Variants in CTNNA2 observed in about 807,000 individuals in gnomAD.
CTNNA2 encodes the protein catenin alpha 2, also known as catenin alpha-2.
CTNNA2 carries 42 observed loss-of-function variants against 101.0 expected under a neutral mutation model. That is an observed-to-expected ratio of 0.42 (90% CI 0.32 to 0.54). The LOEUF is 0.54. Among genes scored for constraint, CTNNA2 ranks in the 20% least tolerant of loss-of-function variants. The pLI, the probability that CTNNA2 is intolerant of heterozygous loss-of-function variation, is 0.14. For missense variants in CTNNA2, 871 were observed against 1,223.1 expected (o/e 0.71, Z 4.29); for synonymous variants, 450 against 456.4 (o/e 0.99, Z 0.18).
At chr2:79,234,519 T>A (rs892668527) in intron 2 of CTNNA2, among the ~76,000 whole-genome samples, 4 of 152,050 alleles carry the variant, frequency 2.6e-5, no homozygotes, top group African/African-American at 9.7e-5. Context: ...GCCTTGGGGG[T>A]GGTCATTTTT....
chr2:80,366,969 G>A (rs1420569273), intron 7 of CTNNA2, among the ~76,000 whole-genome samples: 2 of 151,450 alleles, frequency 1.3e-5, no homozygotes, highest in Admixed American at 6.6e-5. Context: ...CAGGGAGGGG[G>A]CTTCCAGGTC....
At chr2:79,957,067 A>T (rs557724928) in intron 7 of CTNNA2, among the ~76,000 whole-genome samples, 4,018 of 152,162 alleles carry the variant, frequency 0.026, 88 homozygotes, top group Middle Eastern at 0.065. Flanking sequence ...CTTCAGTGAT[A>T]GAGAAGCCCC....
chr2:80,557,483 A>G (rs1426469372), intron 12 of CTNNA2, among the ~76,000 whole-genome samples: 1 of 152,140 alleles, frequency 6.6e-6, no homozygotes, highest in East Asian at 1.9e-4. Flanking sequence ...TTCATGTGAG[A>G]TATCTGACAG....
At chr2:79,648,730 C>T (rs1681004297) in intron 1 of CTNNA2, among the ~76,000 whole-genome samples, 1 of 152,048 alleles carries the variant, frequency 6.6e-6, no homozygotes, top group Admixed American at 6.6e-5. Flanking sequence ...ATTTTGCGGT[C>T]CCCACCACCA....
At chr2:79,332,310 A>G (rs1487348928) in intron 3 of CTNNA2, among the ~76,000 whole-genome samples, 4 of 152,266 alleles carry the variant, frequency 2.6e-5, no homozygotes, top group Middle Eastern at 3.4e-3. Context: ...AGAAAAAAAA[A>G]AAAAAGACGA....
intron 3 of CTNNA2, among the ~76,000 whole-genome samples, chr2:79,780,863 G>T (rs1674367242): frequency 6.6e-6 from 1 of 152,134 alleles, no homozygotes; most frequent in Non-Finnish European, 1.5e-5. Flanking sequence ...TAGAGAAGAA[G>T]ATTTAAAGGT....
At chr2:80,224,377 C>A (rs895222858) in intron 7 of CTNNA2, among the ~76,000 whole-genome samples, 1 of 152,212 alleles carries the variant, frequency 6.6e-6, no homozygotes, top group Non-Finnish European at 1.5e-5. Flanking sequence ...GCTTGTATCT[C>A]TTTGCCAGGT....
At chr2:79,957,715 C>G (rs1689337657) in intron 7 of CTNNA2, among the ~76,000 whole-genome samples, 1 of 152,178 alleles carries the variant, frequency 6.6e-6, no homozygotes, top group Non-Finnish European at 1.5e-5. Context: ...CCTGTCAGGA[C>G]CCTGTCTCAT....
chr2:80,603,899 C>CA, intron 15 of CTNNA2, 175 bp from the exon 16 acceptor site: 1 of 511,806 alleles, frequency 2.0e-6, no homozygotes. Flanking sequence ...AAAATATTTC[C>CA]AAAAACGACT....
chr2:79,899,785 C>T (rs1291633235), intron 6 of CTNNA2, among the ~76,000 whole-genome samples: 9 of 152,142 alleles, frequency 5.9e-5, no homozygotes, highest in Non-Finnish European at 1.3e-4. Flanking sequence ...TAAGGCAAAT[C>T]TAAAATGGTG....
At chr2:80,407,571 C>T (rs988294283) in intron 8 of CTNNA2, among the ~76,000 whole-genome samples, 4 of 152,224 alleles carry the variant, frequency 2.6e-5, no homozygotes, top group Non-Finnish European at 5.9e-5. Context: ...TCTATGTTAC[C>T]TGGCCCTTTA....
At chr2:79,584,609 C>T (rs1460287835) in intron 1 of CTNNA2, among the ~76,000 whole-genome samples, 3 of 151,054 alleles carry the variant, frequency 2.0e-5, no homozygotes, top group Non-Finnish European at 4.4e-5. Flanking sequence ...GCTGTAATCT[C>T]TGCCTCCTAG....
At chr2:79,465,392 A>G (rs1453360086) in intron 4 of CTNNA2, among the ~76,000 whole-genome samples, 1 of 152,152 alleles carries the variant, frequency 6.6e-6, no homozygotes, top group East Asian at 1.9e-4. Context: ...TTAGCCTTGT[A>G]GTATAGTTTG....
chr2:79,332,309 A>G (rs1192708433), intron 3 of CTNNA2, among the ~76,000 whole-genome samples: 1 of 152,174 alleles, frequency 6.6e-6, no homozygotes, highest in Non-Finnish European at 1.5e-5. Flanking sequence ...AAGAAAAAAA[A>G]AAAAAAGACG....
intron 4 of CTNNA2, among the ~76,000 whole-genome samples, chr2:79,421,085 T>A (rs1383182635): frequency 6.6e-6 from 1 of 152,184 alleles, no homozygotes; most frequent in Non-Finnish European, 1.5e-5. Context: ...ATCCCTTCCT[T>A]ATCCCCTCCA....
intron 3 of CTNNA2, among the ~76,000 whole-genome samples, chr2:79,815,141 G>A (rs1194360554): frequency 1.3e-5 from 2 of 152,002 alleles, no homozygotes; most frequent in Non-Finnish European, 2.9e-5. Flanking sequence ...TTACTGAGTT[G>A]TTTGAGTCTG....
intron 3 of CTNNA2, among the ~76,000 whole-genome samples, chr2:79,851,554 G>A: frequency 6.6e-6 from 1 of 151,948 alleles, no homozygotes. Flanking sequence ...TTTCTGCATT[G>A]CTCTACAAGA....
intron 7 of CTNNA2, among the ~76,000 whole-genome samples, chr2:80,341,498 A>T (rs1443651864): frequency 6.6e-6 from 1 of 152,236 alleles, no homozygotes; most frequent in Non-Finnish European, 1.5e-5. Context: ...GCTAATAAGC[A>T]CATGAAAATA....
chr2:80,175,836 G>A (rs763883730), intron 7 of CTNNA2, among the ~76,000 whole-genome samples: 3 of 152,154 alleles, frequency 2.0e-5, no homozygotes, highest in Non-Finnish European at 4.4e-5. Flanking sequence ...TTTAGTTGTA[G>A]GTCTAATAGT....
Sources: gnomAD v4.1 joint callset for allele counts (sites outside exome capture counted in the v4.1 genomes callset) on GRCh38, gnomAD v4.1.1 for gene constraint, MANE v1.5 for transcripts, NCBI Gene and HGNC (gene_info 2026-07-23, HGNC 2026-07-21) for gene names.